NCKAP5: variants seen among roughly 807,000 people sequenced by gnomAD.
NCKAP5 encodes the protein NCK associated protein 5, also known as nck-associated protein 5.
NCKAP5 carries 92 observed loss-of-function variants against 167.0 expected under a neutral mutation model. The observed-to-expected ratio is 0.55, with a 90% CI of 0.47 to 0.66. NCKAP5 has a LOEUF of 0.66. Among genes scored for constraint, NCKAP5 ranks in the 30% least tolerant of loss-of-function variants. The pLI is 0.00. For synonymous variants in NCKAP5, 891 were observed against 877.4 expected (o/e 1.02, Z -0.27); for missense variants, 2,378 against 2,315.0 (o/e 1.03, Z -0.56).
chr2:133,621,302 CA>C, the NCKAP5 span, among the ~76,000 whole-genome samples: 1 of 150,754 alleles, frequency 6.6e-6, no homozygotes, highest in Admixed American at 6.6e-5. Context: ...TGAAACAAAA[CA>C]AAAAAAATAC....
intron 2 of NCKAP5, among the ~76,000 whole-genome samples, chr2:133,519,519 T>C (rs540012679): frequency 6.6e-6 from 1 of 152,272 alleles, no homozygotes; most frequent in East Asian, 1.9e-4. Flanking sequence ...ACACTGGTAG[T>C]TCAGAACACC....
At chr2:133,498,392 A>G (rs1476410476) in intron 3 of NCKAP5, among the ~76,000 whole-genome samples, 1 of 151,364 alleles carries the variant, frequency 6.6e-6, no homozygotes, top group African/African-American at 2.4e-5. Flanking sequence ...GGAAAGAAAG[A>G]AAGGATGAAA....
At chr2:132,830,391 C>G (rs2105362842) in intron 11 of NCKAP5, among the ~76,000 whole-genome samples, 1 of 149,756 alleles carries the variant, frequency 6.7e-6, no homozygotes, top group Middle Eastern at 3.4e-3. Context: ...TAAGGACAGA[C>G]TGTTGCTTGC....
chr2:132,811,053 C>T (rs1574297329), intron 11 of NCKAP5, among the ~76,000 whole-genome samples: 1 of 152,240 alleles, frequency 6.6e-6, no homozygotes, highest in Non-Finnish European at 1.5e-5. Flanking sequence ...GATCTAGCCA[C>T]CCAGTGAGTC....
At chr2:133,574,445 T>C in the NCKAP5 span, among the ~76,000 whole-genome samples, 1 of 152,138 alleles carries the variant, frequency 6.6e-6, no homozygotes, top group African/African-American at 2.4e-5. Flanking sequence ...TTTGCCCAGA[T>C]GGCCAGCAGA....
the NCKAP5 span, among the ~76,000 whole-genome samples, chr2:133,609,025 T>G: frequency 1.3e-5 from 2 of 152,242 alleles, no homozygotes; most frequent in East Asian, 3.9e-4. Context: ...CTGCGCCTCC[T>G]TCCACAATTA....
intron 3 of NCKAP5, among the ~76,000 whole-genome samples, chr2:133,306,144 T>C (rs1325357501): frequency 6.6e-6 from 1 of 152,094 alleles, no homozygotes; most frequent in East Asian, 1.9e-4. Flanking sequence ...CAATGGAGGG[T>C]GGTAGCATTG....
At chr2:132,724,006 C>A (rs930441301) in intron 19 of NCKAP5, among the ~76,000 whole-genome samples, 1 of 152,206 alleles carries the variant, frequency 6.6e-6, no homozygotes, top group Admixed American at 6.5e-5. Flanking sequence ...TCAGGTTGCT[C>A]TCTCTGCAGC....
At chr2:133,345,974 C>G (rs191727555) in intron 3 of NCKAP5, among the ~76,000 whole-genome samples, 1 of 152,134 alleles carries the variant, frequency 6.6e-6, no homozygotes, top group Non-Finnish European at 1.5e-5. Context: ...TTGAGGACAG[C>G]AAGAAGCAGC....
At chr2:133,628,757 C>T in the NCKAP5 span, among the ~76,000 whole-genome samples, 1 of 152,140 alleles carries the variant, frequency 6.6e-6, no homozygotes, top group African/African-American at 2.4e-5. Flanking sequence ...CTACAGTAAC[C>T]AAAACATCAT....
At chr2:133,186,671 C>T (rs2084959783) in intron 5 of NCKAP5, among the ~76,000 whole-genome samples, 1 of 151,868 alleles carries the variant, frequency 6.6e-6, no homozygotes, top group East Asian at 1.9e-4. Flanking sequence ...TTTCCTGGTT[C>T]AATCTTGGGA....
intron 16 of NCKAP5, among the ~76,000 whole-genome samples, chr2:132,773,346 A>G (rs1682254113): frequency 6.6e-6 from 1 of 152,232 alleles, no homozygotes; most frequent in African/African-American, 2.4e-5. Flanking sequence ...CTTATTTCAG[A>G]GACAGGACTA....
At chr2:133,168,849 T>C (rs2084116712) in intron 5 of NCKAP5, among the ~76,000 whole-genome samples, 1 of 152,214 alleles carries the variant, frequency 6.6e-6, no homozygotes, top group African/African-American at 2.4e-5. Context: ...ACTTCTCAAA[T>C]AAAGAGTGTA....
intron 3 of NCKAP5, among the ~76,000 whole-genome samples, chr2:133,501,186 A>G (rs1682475099): frequency 1.3e-5 from 2 of 152,200 alleles, no homozygotes; most frequent in African/African-American, 4.8e-5. Context: ...CTGGGACCAG[A>G]CGTGTGGAGC....
At chr2:133,103,141 G>T (rs888386721) in intron 6 of NCKAP5, among the ~76,000 whole-genome samples, 3 of 151,954 alleles carry the variant, frequency 2.0e-5, no homozygotes, top group Non-Finnish European at 2.9e-5. Flanking sequence ...CATATTTGTT[G>T]GTTATTATGT....
intron 9 of NCKAP5, among the ~76,000 whole-genome samples, chr2:132,873,418 A>C (rs1226092855): frequency 1.3e-5 from 2 of 152,128 alleles, no homozygotes; most frequent in African/African-American, 4.8e-5. Flanking sequence ...CAGCCGAAAA[A>C]ATGTTTTTTA....
At chr2:133,635,549 T>C in the NCKAP5 span, among the ~76,000 whole-genome samples, 1 of 152,242 alleles carries the variant, frequency 6.6e-6, no homozygotes, top group East Asian at 1.9e-4. Context: ...TGAAGATTCA[T>C]ACTGCCTATG....
At chr2:133,074,657 T>C (rs1261753817) in intron 6 of NCKAP5, among the ~76,000 whole-genome samples, 2 of 152,142 alleles carry the variant, frequency 1.3e-5, no homozygotes, top group Non-Finnish European at 2.9e-5. Flanking sequence ...CCACCATGCC[T>C]GACCCAAATG....
At chr2:133,375,234 T>G (rs1166659447) in intron 3 of NCKAP5, among the ~76,000 whole-genome samples, 1 of 152,248 alleles carries the variant, frequency 6.6e-6, no homozygotes, top group Non-Finnish European at 1.5e-5. Flanking sequence ...TTAGAGCTTA[T>G]CCACCATAGT....
Sources: gnomAD v4.1 joint callset for allele counts (sites outside exome capture counted in the v4.1 genomes callset) on GRCh38, gnomAD v4.1.1 for gene constraint, MANE v1.5 for transcripts, NCBI Gene and HGNC (gene_info 2026-07-23, HGNC 2026-07-21) for gene names.